SLC38A10: variants seen among roughly 807,000 people sequenced by gnomAD.
SLC38A10 encodes the protein Sodium-coupled neutral amino acid transporter 10.
A neutral mutation model predicts 81.0 loss-of-function variants in SLC38A10; 53 were observed. The observed-to-expected ratio is 0.65, with a 90% CI of 0.53 to 0.82. The LOEUF (loss-of-function observed/expected upper bound fraction) is 0.82. Among genes scored for constraint, SLC38A10 ranks in the 40% least tolerant of loss-of-function variants. SLC38A10 has a pLI of 0.00. For missense variants in SLC38A10, 1,471 were observed against 1,545.0 expected, an observed-to-expected ratio of 0.95 and a Z score of 0.80; for synonymous variants, 665 against 655.3, an observed-to-expected ratio of 1.01 and a Z score of -0.23.
In SLC38A10 at chr17:81,277,126, G is replaced by A; in HGVS notation, c.634C>T (p.Leu212=). Residue 212 remains leucine (L), a synonymous_variant, in exon 7 of 16, where the codon CTG becomes TTG. Coordinates refer to ENST00000374759, the MANE Select transcript of SLC38A10 (RefSeq NM_001037984.3). This position sits in a 1 kb window ranked among gnomAD's most constrained non-coding sequence, Gnocchi z 4.5. ...TCATCCAGGCTGTCGTAGGTGGGCA[G>A]CACCTGGCTGTATAGAAACAGGCCA... The part of the protein sequence containing the change: ...GMSFACQSQV[L]PTYDSLDEPS... 1 of 1,613,760 alleles carries A rather than the reference G, an allele frequency of 6.2e-7. No homozygotes were observed. The highest frequency in any genetic ancestry group is 8.5e-7 in the Non-Finnish European group (1 of 1,179,826).
chr17:81,253,307 G>A lies in SLC38A10; in HGVS notation c.1289-67C>T. The stretch of plus-strand genomic sequence containing the variant: ...CTCCAGGAGCGGGGCAGCTCTCCCT[G>A]GACTGTTACCATATTTTCCAGCCAA... On this transcript the variant is annotated intron_variant, in intron 11 of 15. Coordinates refer to ENST00000374759, the MANE Select transcript of SLC38A10 (RefSeq NM_001037984.3). The surrounding 1 kb of genome is among the most constrained non-coding windows in gnomAD (Gnocchi z 4.1). The A allele has an allele frequency of 1.3e-6, 2 of 1,546,718 alleles. No homozygotes were observed. Among genetic ancestry groups the A allele is most frequent in the Non-Finnish European group, 1.8e-6 (2 of 1,141,402 alleles).
At chr17:81,261,242 G>A (rs751364729) in intron 10 of SLC38A10, among the ~76,000 whole-genome samples, 21 of 152,064 alleles carry the variant, frequency 1.4e-4, no homozygotes, top group African/African-American at 2.2e-4. Flanking sequence ...CCGCCACCCC[G>A]GCTCCTGCCA....
At chr17:81,256,661 G>A (rs1257460879) in intron 11 of SLC38A10, among the ~76,000 whole-genome samples, 1 of 152,268 alleles carries the variant, frequency 6.6e-6, no homozygotes. Context: ...GAGAACAATG[G>A]CCGCTGACGT....
chr17:81,285,093 AAGAC>A, intron 2 of SLC38A10, 198 bp from the exon 3 acceptor site: 2 of 465,806 alleles, frequency 4.3e-6, no homozygotes, highest in Non-Finnish European at 3.9e-6. Context: ...ACAAGAAACA[AAGAC>A]AGAGCAAGGG....
chr17:81,245,789 G>A lies in SLC38A10; in HGVS notation c.3127C>T (p.Leu1043=). 6.2e-7 allele frequency: 1 copy of A among 1,600,748 alleles called. No homozygotes were observed. Among genetic ancestry groups the A allele is most frequent in the Non-Finnish European group, 8.5e-7 (1 of 1,170,598 alleles). ...DNAKPNRDLK[L]QAGSDLRRRR... Reference sequence around the variant, plus strand: ...CTCCGGAGGTCGGAGCCAGCCTGCAGTTTCAGGTCCCGGTTGGGCTTGGCA... The same window carrying A: ...CTCCGGAGGTCGGAGCCAGCCTGCAATTTCAGGTCCCGGTTGGGCTTGGCA... Residue 1043 remains leucine (L), a synonymous_variant, in exon 16 of 16, where the codon CTG becomes TTG. Transcript: ENST00000374759.
chr17:81,248,103 G>A (rs548762987), intron 14 of SLC38A10, among the ~76,000 whole-genome samples: 15 of 151,836 alleles, frequency 9.9e-5, no homozygotes, highest in African/African-American at 1.9e-4. Context: ...GACTACAGAC[G>A]CCCGCCACCG....
Position 81,286,154 on chromosome 17 carries a change from G to C in SLC38A10, c.218-1259C>G, listed in dbSNP as rs1044310219. On this transcript the variant is annotated intron_variant, in intron 2 of 15. Transcript: ENST00000374759. This position sits in a 1 kb window ranked among gnomAD's most constrained non-coding sequence, Gnocchi z 6.0. The stretch of plus-strand genomic sequence containing the variant: ...AACGCCCTCCACACCCCTCAGTGAC[G>C]GCACAGCCCGGAAGCAACAAAACAC... 6.6e-6 allele frequency among the ~76,000 whole-genome samples: 1 copy of C among 152,170 alleles called. No homozygotes were observed.
chr17:81,282,119 G>C (rs1205643078), intron 5 of SLC38A10, 70 bp downstream of exon 5: 11 of 1,598,816 alleles, frequency 6.9e-6, no homozygotes, highest in Admixed American at 1.7e-5. Context: ...GCACGAGCCT[G>C]CTGTGGCCAC....
At chr17:81,256,345 T>A (rs1224423533) in intron 11 of SLC38A10, among the ~76,000 whole-genome samples, 1 of 152,168 alleles carries the variant, frequency 6.6e-6, no homozygotes, top group Non-Finnish European at 1.5e-5. Flanking sequence ...CAACCCCACA[T>A]TCAAGGCTGG....
At chr17:81,250,892 G>C in intron 14 of SLC38A10, 1 of 1,112,672 alleles carries the variant, frequency 9.0e-7, no homozygotes, top group Non-Finnish European at 1.1e-6. Context: ...TTCAGAGCAA[G>C]TTTTATTCTC....
rs199619339 is a variant in SLC38A10 at position 81,260,440 on chromosome 17, G to A, written c.1132-46C>T. The A allele has an allele frequency of 1.7e-3, 2,689 of 1,571,316 alleles. 4 individuals carry two copies. The highest frequency in any genetic ancestry group is 2.2e-3 in the Non-Finnish European group (2,515 of 1,157,804). On this transcript the variant is annotated intron_variant, in intron 10 of 15. Coordinates refer to ENST00000374759, the MANE Select transcript of SLC38A10 (RefSeq NM_001037984.3). ...GGGGCGGGAGTCACAGCTGGCCCCCGCCCCTGCCCAGGGTATAAAACTGGC... is the reference window on the plus strand; with the variant it reads ...GGGGCGGGAGTCACAGCTGGCCCCCACCCCTGCCCAGGGTATAAAACTGGC...
At chr17:81,256,053 C>T (rs559088524) in intron 11 of SLC38A10, among the ~76,000 whole-genome samples, 37 of 152,394 alleles carry the variant, frequency 2.4e-4, no homozygotes, top group African/African-American at 8.2e-4. Context: ...GCCAGGAATG[C>T]TGTGTTTATG....
rs1359798098 is a variant in SLC38A10 at position 81,253,766 on chromosome 17, CCAT to C, written c.1289-529_1289-527del. ...ACCATCACCATCATCATCACCGTCA[CCAT>C]CATCACCATCTCCATCCCTACCACC... On this transcript the variant is annotated intron_variant, in intron 11 of 15. Transcript: ENST00000374759. This position sits in a 1 kb window ranked among gnomAD's most constrained non-coding sequence, Gnocchi z 4.1. Among the ~76,000 whole-genome samples the C allele has an allele frequency of 4.5e-5, 5 of 112,080 alleles. No individual in the cohort carries two copies. The highest frequency in any genetic ancestry group is 8.7e-5 in the Non-Finnish European group (4 of 45,800). 73.5% of individuals were successfully genotyped at this position (112,080 alleles called of 152,430 possible).
intron 9 of SLC38A10, among the ~76,000 whole-genome samples, chr17:81,271,355 T>C (rs1029718877): frequency 6.6e-6 from 1 of 152,088 alleles, no homozygotes; most frequent in African/African-American, 2.4e-5. Flanking sequence ...TGAGTGGCCC[T>C]AGGAAGGCAG....
intron 1 of SLC38A10, among the ~76,000 whole-genome samples, chr17:81,294,338 C>T (rs933225897): frequency 3.9e-5 from 6 of 152,248 alleles, no homozygotes; most frequent in Admixed American, 1.3e-4. Context: ...GCCAAATGTG[C>T]GGTTTTTGTG....
chr17:81,283,592 G>T lies in SLC38A10; in HGVS notation c.264-90C>A. 2.3e-6 allele frequency: 2 copies of T among 865,120 alleles called. No homozygotes were observed. Among genetic ancestry groups the T allele is most frequent in the Non-Finnish European group, 3.6e-6 (2 of 550,792 alleles). 53.6% of individuals were successfully genotyped at this position (865,120 alleles called of 1,614,324 possible). On this transcript the variant is annotated intron_variant, in intron 3 of 15. Coordinates refer to ENST00000374759, the MANE Select transcript of SLC38A10 (RefSeq NM_001037984.3). The surrounding 1 kb of genome is among the most constrained non-coding windows in gnomAD (Gnocchi z 4.7). ...CCAGGGACTACCCCAAGGCTGGGCT[G>T]AATGACAGATGTGATTTCTTTTTTC...
chr17:81,272,867 C>T (rs2063129466), intron 8 of SLC38A10, among the ~76,000 whole-genome samples: 1 of 152,240 alleles, frequency 6.6e-6, no homozygotes, highest in Non-Finnish European at 1.5e-5. Flanking sequence ...ACAGACCGTA[C>T]ATTTTACAAC....
At chr17:81,251,916 C>T (rs1054552634) in intron 13 of SLC38A10, 3 of 528,968 alleles carry the variant, frequency 5.7e-6, no homozygotes, top group African/African-American at 2.0e-5. Context: ...AGGCGCCCCC[C>T]GCGCCGCCCC....
chr17:81,260,428 C>T, intron 10 of SLC38A10, 34 bp from the exon 11 acceptor site: 1 of 1,590,058 alleles, frequency 6.3e-7, no homozygotes, highest in Non-Finnish European at 8.6e-7. Flanking sequence ...GCGGGAGTCA[C>T]AGCTGGCCCC....
Sources: allele counts gnomAD v4.1 joint callset (sites outside exome capture counted in the v4.1 genomes callset), GRCh38; gene constraint gnomAD v4.1.1; non-coding constraint Gnocchi (gnomAD v3.1); transcripts MANE v1.5; gene names NCBI Gene and HGNC (gene_info 2026-07-23, HGNC 2026-07-21).